The following EIF4G3 variants were observed in gnomAD, a reference collection of about 807,000 sequenced individuals.
EIF4G3 encodes the protein eIF-4-gamma 3.
In EIF4G3, 34 loss-of-function variants were observed where a neutral mutation model predicts 186.4. The observed-to-expected ratio is 0.18, with a 90% confidence interval of 0.14 to 0.24. The LOEUF is 0.24. EIF4G3 is among the 10% of genes least tolerant of loss of function. The pLI, the probability that EIF4G3 is intolerant of heterozygous loss-of-function variation, is 1.00. For missense variants in EIF4G3, 1,536 were observed against 1,948.5 expected (o/e 0.79, Z 3.99); for synonymous variants, 673 against 679.5 (o/e 0.99, Z 0.15).
chr1:20,980,193 C>T, intron 10 of EIF4G3, 141 bp downstream of exon 10: 1 of 607,198 alleles, frequency 1.6e-6, no homozygotes, highest in Non-Finnish European at 2.8e-6. Context: ...AAAAAAGTAG[C>T]TTTCAAGAAA....
chr1:21,023,247 CCTCCCCCCCT>C (rs2091225310), intron 4 of EIF4G3, among the ~76,000 whole-genome samples: 9 of 94,778 alleles, frequency 9.5e-5, no homozygotes, highest in Non-Finnish European at 1.3e-4. Flanking sequence ...CTCCCCTCCC[CCTCCCCCCCT>C]CCCCCTCCCT....
intron 7 of EIF4G3, among the ~76,000 whole-genome samples, chr1:20,989,532 G>A (rs1195854581): frequency 8.3e-6 from 1 of 121,062 alleles, no homozygotes; most frequent in Non-Finnish European, 1.6e-5. Flanking sequence ...ACTGCAGCCT[G>A]GATAACAAGA....
chr1:21,043,924 C>T (rs983689671), intron 4 of EIF4G3, among the ~76,000 whole-genome samples: 3 of 150,064 alleles, frequency 2.0e-5, no homozygotes, highest in Non-Finnish European at 4.4e-5. Context: ...AGATGAAACA[C>T]CTATTAGAAA....
chr1:21,154,883 A>G (rs896156462), intron 2 of EIF4G3, among the ~76,000 whole-genome samples: 2 of 152,182 alleles, frequency 1.3e-5, no homozygotes, highest in Non-Finnish European at 2.9e-5. Flanking sequence ...ATATGCCTCA[A>G]TTTTACTCAC....
At chr1:20,885,465 CA>C (rs1297130977) in intron 19 of EIF4G3, among the ~76,000 whole-genome samples, 1 of 152,138 alleles carries the variant, frequency 6.6e-6, no homozygotes, top group Admixed American at 6.5e-5. Flanking sequence ...CTTAACTGTT[CA>C]TGGTGAGAGA....
rs773391616 is a variant in EIF4G3 at position 20,893,563 on chromosome 1, G to C, written c.2207C>G (p.Ala736Gly). ...ILPRGPDFTPAFADFGRQTPG... is the reference protein window; with the variant it reads ...ILPRGPDFTPGFADFGRQTPG... ...TGTCTGCCTTCCAAAATCAGCAAAG[G>C]CTGGTGTAAAGTCTGGTCCTCGAGG... The change falls in exon 18 of 37, where the codon GCC (alanine) becomes GGC (glycine). Residue 736 changes from alanine to glycine, a missense_variant. By Grantham distance (60) the Ala-to-Gly change is moderately conservative. This residue lies in a region of EIF4G3 where 139 missense variants were observed against 192.8 expected (regional missense o/e 0.72). Transcript: ENST00000602326. 3.1e-6 allele frequency: 5 copies of C among 1,601,800 alleles called. No homozygotes were observed. Among genetic ancestry groups the C allele is most frequent in the East Asian group, 4.5e-5 (2 of 44,636 alleles).
chr1:20,922,034 T>C (rs1411853543), intron 14 of EIF4G3, among the ~76,000 whole-genome samples: 3 of 152,228 alleles, frequency 2.0e-5, no homozygotes, highest in African/African-American at 7.2e-5. Context: ...TTTTGCAGCA[T>C]TTGGTATTGG....
rs115306700 is a variant in EIF4G3, at chr1:20,935,089, A to G, written c.1663+6402T>C. ...AACAGGTGGGCTTTCATGTTTCACTATGAACCTAGGTCACAAGCATAAAGT... is the reference window on the plus strand; with the variant it reads ...AACAGGTGGGCTTTCATGTTTCACTGTGAACCTAGGTCACAAGCATAAAGT... On this transcript the variant is annotated intron_variant, in intron 14 of 36. Transcript: ENST00000602326. Among the ~76,000 whole-genome samples, 1,045 of 152,274 alleles carry G rather than the reference A, an allele frequency of 6.9e-3. 12 individuals are homozygous for G. Among genetic ancestry groups the G allele is most frequent in the African/African-American group, 0.023 (962 of 41,556 alleles).
intron 11 of EIF4G3, among the ~76,000 whole-genome samples, chr1:20,970,202 T>G (rs929075807): frequency 6.6e-6 from 1 of 152,154 alleles, no homozygotes; most frequent in Non-Finnish European, 1.5e-5. Flanking sequence ...ACCCTACGAG[T>G]TAGGAATAAT....
chr1:21,096,124 C>G (rs2096363545), intron 2 of EIF4G3, among the ~76,000 whole-genome samples: 1 of 152,020 alleles, frequency 6.6e-6, no homozygotes, highest in African/African-American at 2.4e-5. Flanking sequence ...TGCACAATAG[C>G]AAAAATATGG....
At chr1:21,010,278 G>C (rs751441978) in intron 4 of EIF4G3, among the ~76,000 whole-genome samples, 14 of 151,948 alleles carry the variant, frequency 9.2e-5, no homozygotes, top group African/African-American at 2.7e-4. Flanking sequence ...AAATTAGCCA[G>C]GCATGGTGGC....
intron 15 of EIF4G3, among the ~76,000 whole-genome samples, chr1:20,902,436 A>C (rs751515790): frequency 1.3e-5 from 2 of 152,186 alleles, no homozygotes; most frequent in Non-Finnish European, 2.9e-5. Context: ...CTGATACCAG[A>C]AACAAATTAT....
rs1355725373 is a variant in EIF4G3 at position 20,806,675 on chromosome 1, T to TG, written c.*643dup. On this transcript the variant is annotated 3_prime_UTR_variant, in exon 37 of 37. Coordinates refer to ENST00000602326, the MANE Select transcript of EIF4G3 (RefSeq NM_001391906.1). Reference sequence around the variant, plus strand: ...CACTTTTTTTTTTTTAAACAATTCTTGGAGTTCTGTGGTCCACAGCATTTC... The same window carrying TG: ...CACTTTTTTTTTTTTAAACAATTCTTGGGAGTTCTGTGGTCCACAGCATTTC... 2 of 152,522 alleles carry TG rather than the reference T, an allele frequency of 1.3e-5. No individual in the cohort carries two copies. Among genetic ancestry groups the TG allele is most frequent in the African/African-American group, 2.4e-5 (1 of 41,414 alleles). The allele number at this position is 152,522 out of a possible 1,614,324, so 9.4% of individuals were successfully genotyped here. A position where few individuals can be genotyped will look rare whatever the true frequency, so the allele number is the denominator to read the frequency against.
At chr1:21,060,782 GAAA>G (rs34598369) in intron 3 of EIF4G3, among the ~76,000 whole-genome samples, 1 of 117,350 alleles carries the variant, frequency 8.5e-6, no homozygotes, top group Non-Finnish European at 1.7e-5. Flanking sequence ...TGTCTCTTAA[GAAA>G]AAAAAAAAAA....
In EIF4G3 at chr1:20,905,335, G is replaced by C. The variant is rs141495515; in HGVS notation, c.1664-364C>G. 9.0e-3 allele frequency among the ~76,000 whole-genome samples: 1,378 copies of C among 152,290 alleles called. 26 individuals are homozygous for C. Among genetic ancestry groups the C allele is most frequent in the African/African-American group, 0.032 (1,324 of 41,556 alleles). On this transcript the variant is annotated intron_variant, in intron 14 of 36. Transcript: ENST00000602326. ...ACTATGTGAACTTAAGCAAGTCACA[G>C]GTCTCAGGCCCCTACATTACTCAGC...
rs370718996 is a variant in EIF4G3 at position 21,123,537 on chromosome 1, C to T, written c.-271-34324G>A. 4.4e-3 allele frequency among the ~76,000 whole-genome samples: 657 copies of T among 149,488 alleles called. 4 individuals carry two copies. The highest frequency in any genetic ancestry group is 0.015 in the African/African-American group (623 of 40,576). ...CCAAGATTGCACCACTGCATTCCAGCCTGGGCAACACAGCAAGACTGTCTC... is the reference window on the plus strand; with the variant it reads ...CCAAGATTGCACCACTGCATTCCAGTCTGGGCAACACAGCAAGACTGTCTC... On this transcript the variant is annotated intron_variant, in intron 2 of 36. Transcript: ENST00000602326.
At chr1:21,075,291 G>A (rs933321552) in intron 3 of EIF4G3, among the ~76,000 whole-genome samples, 3 of 151,864 alleles carry the variant, frequency 2.0e-5, no homozygotes, top group Admixed American at 1.3e-4. Context: ...ACATAGGGCC[G>A]GGCAGGGTGG....
At chr1:21,088,589 A>G (rs1413338877) in intron 3 of EIF4G3, among the ~76,000 whole-genome samples, 1 of 152,070 alleles carries the variant, frequency 6.6e-6, no homozygotes, top group Non-Finnish European at 1.5e-5. Flanking sequence ...AGAGTCCAAA[A>G]AGAATACAAA....
intron 10 of EIF4G3, among the ~76,000 whole-genome samples, chr1:20,973,553 A>T (rs777046848): frequency 6.6e-6 from 1 of 152,172 alleles, no homozygotes; most frequent in South Asian, 2.1e-4. Context: ...TCTTCTCCTT[A>T]CTCATGGGGA....
Sources: gnomAD v4.1 joint callset for allele counts (sites outside exome capture counted in the v4.1 genomes callset) on GRCh38, gnomAD v4.1.1 for gene constraint, gnomAD v4.1.1 regional missense constraint, MANE v1.5 for transcripts, NCBI Gene and HGNC (gene_info 2026-07-23, HGNC 2026-07-21) for gene names.